NUP155: variants seen among roughly 807,000 people sequenced by gnomAD.
NUP155 encodes the protein nucleoporin 155.
Under a neutral mutation model 180.4 loss-of-function variants are expected in NUP155, and 71 were observed. The ratio of observed to expected loss-of-function variants is 0.39; its 90% CI spans 0.33 to 0.48. NUP155 has a LOEUF of 0.48. Ranked by LOEUF, NUP155 falls within the 20% of genes least tolerant of loss-of-function variation. The pLI, the probability that NUP155 is intolerant of heterozygous loss-of-function variation, is 0.91. For synonymous variants in NUP155, 582 were observed against 559.5 expected (o/e 1.04, Z -0.57); for missense variants, 1,553 against 1,648.9 (o/e 0.94, Z 1.01).
intron 16 of NUP155, 47 bp downstream of exon 16, chr5:37,329,143 A>C (rs184686845): frequency 3.5e-6 from 5 of 1,417,610 alleles, no homozygotes; most frequent in Non-Finnish European, 5.0e-6. Context: ...AAAGGTTCTA[A>C]GATTCAAACG....
intron 15 of NUP155, 114 bp from the exon 16 acceptor site, chr5:37,329,392 A>T: frequency 2.6e-6 from 2 of 768,012 alleles, no homozygotes; most frequent in Non-Finnish European, 4.7e-6. Flanking sequence ...AACATTAGAG[A>T]CTTCAATGTA....
chr5:37,340,191 A>C (rs1221516642), intron 11 of NUP155, among the ~76,000 whole-genome samples: 1 of 152,198 alleles, frequency 6.6e-6, no homozygotes, highest in African/African-American at 2.4e-5. Context: ...CTGTAATCCC[A>C]GCACTTTAGG....
intron 11 of NUP155, among the ~76,000 whole-genome samples, chr5:37,340,442 CAAAAA>C (rs527845158): frequency 7.8e-6 from 1 of 128,412 alleles, no homozygotes; most frequent in Non-Finnish European, 1.7e-5. Flanking sequence ...CAGACCACCT[CAAAAA>C]AAAAAAAAGA....
chr5:37,356,511 C>A (rs1191405059), intron 4 of NUP155, among the ~76,000 whole-genome samples: 1 of 149,550 alleles, frequency 6.7e-6, no homozygotes, highest in East Asian at 2.1e-4. Context: ...TGGTGACATG[C>A]GTTTATAATC....
chr5:37,347,832 C>T (rs111750903), intron 9 of NUP155, among the ~76,000 whole-genome samples: 3,861 of 151,886 alleles, frequency 0.025, 154 homozygotes, highest in African/African-American at 0.088. Context: ...GAAACCCAAT[C>T]TCTACTAAAA....
intron 33 of NUP155, 136 bp from the exon 34 acceptor site, chr5:37,293,121 T>C: frequency 1.5e-6 from 1 of 648,268 alleles, no homozygotes; most frequent in South Asian, 1.8e-5. Context: ...ACATGGCTAC[T>C]AAATTATATA....
At chr5:37,355,547 G>GTGTATATATA (rs977072922) in intron 4 of NUP155, among the ~76,000 whole-genome samples, 4 of 147,392 alleles carry the variant, frequency 2.7e-5, no homozygotes, top group African/African-American at 1.0e-4. Flanking sequence ...GTGTGTGTGT[G>GTGTATATATA]TATATATATA....
rs111940525 is a variant in NUP155 at position 37,304,518 on chromosome 5, G to T, written c.3162+221C>A. On this transcript the variant is annotated intron_variant, in intron 27 of 34. Transcript: ENST00000231498. The stretch of plus-strand genomic sequence containing the variant: ...TTCATAATCCAGTGATTTCTACCCC[G>T]CAATACAAACTATCCCAATCAGCTT... 7.2e-5 allele frequency among the ~76,000 whole-genome samples: 11 copies of T among 152,160 alleles called. No homozygotes were observed. The East Asian group carries it at 1.7e-3, about 24-fold the overall frequency.
chr5:37,323,348 G>C (rs932205571), intron 20 of NUP155, among the ~76,000 whole-genome samples: 11 of 152,072 alleles, frequency 7.2e-5, no homozygotes, highest in Non-Finnish European at 4.4e-5. Context: ...TAGCCAAAAA[G>C]CTGAAACAAC....
intron 9 of NUP155, among the ~76,000 whole-genome samples, chr5:37,347,740 G>A (rs753887541): frequency 6.7e-6 from 1 of 149,852 alleles, no homozygotes. Context: ...GGTGGCTCAC[G>A]CCTATAATCT....
chr5:37,288,909 C>CA lies in NUP155; in HGVS notation c.*2990dup, dbSNP rs57989646. On this transcript the variant is annotated 3_prime_UTR_variant, in exon 35 of 35. Transcript: ENST00000231498. ...TGAAACCCCATCTCTACTAAAAATA[C>CA]AAAAAAAAAAAATTAGCCAGGCATG... The CA allele has an allele frequency of 0.1, 14,705 of 143,986 alleles. 2,348 individuals carry two copies. Among genetic ancestry groups the CA allele is most frequent in the African/African-American group, 0.34 (13,609 of 39,642 alleles). 8.9% of individuals were successfully genotyped at this position (143,986 alleles called of 1,614,324 possible).
chr5:37,356,699 CCTT>C (rs895285213), intron 4 of NUP155, among the ~76,000 whole-genome samples: 119 of 152,032 alleles, frequency 7.8e-4, no homozygotes, highest in African/African-American at 2.8e-3. Context: ...AATCAATTCT[CCTT>C]CTCAGTAACC....
intron 22 of NUP155, among the ~76,000 whole-genome samples, chr5:37,312,463 AAAG>A (rs1367551374): frequency 6.6e-6 from 1 of 152,220 alleles, no homozygotes; most frequent in East Asian, 1.9e-4. Context: ...AGGAAAAGAA[AAAG>A]AAGGAAAGAC....
At chr5:37,307,136 T>C (rs1187372928) in intron 25 of NUP155, among the ~76,000 whole-genome samples, 161 bp downstream of exon 25, 1 of 148,420 alleles carries the variant, frequency 6.7e-6, no homozygotes, top group Admixed American at 6.7e-5. Context: ...AGGCAGAGAT[T>C]GCAGTGAGCC....
intron 11 of NUP155, among the ~76,000 whole-genome samples, chr5:37,338,410 CTTT>C (rs1260084138): frequency 3.6e-5 from 5 of 138,638 alleles, no homozygotes; most frequent in Non-Finnish European, 3.1e-5. Context: ...CAACATCAAT[CTTT>C]TTTTTTTTTT....
chr5:37,298,375 T>C (rs1416405551), intron 32 of NUP155, among the ~76,000 whole-genome samples: 1 of 152,194 alleles, frequency 6.6e-6, no homozygotes, highest in African/African-American at 2.4e-5. Context: ...AAAACACTTG[T>C]AGGTTGGCAA....
At chr5:37,328,876 A>C (rs1489297289) in intron 16 of NUP155, among the ~76,000 whole-genome samples, 5 of 152,234 alleles carry the variant, frequency 3.3e-5, no homozygotes, top group Non-Finnish European at 7.3e-5. Context: ...CTGATCTCCT[A>C]GTAAGTTTCT....
At position 37,307,292 on chromosome 5, in the gene NUP155, T is replaced by C. The variant is rs1743218483; in HGVS notation, c.2903+5A>G. ...ATGACAATCTGCTAACGTAATGGAA[T>C]GCACCTTTCTTGGAAGGCCTGAAGT... On this transcript the variant is annotated splice_donor_5th_base_variant and intron_variant, in intron 25 of 34. Transcript: ENST00000231498. 6.2e-7 allele frequency: 1 copy of C among 1,613,634 alleles called. No individual in the cohort carries two copies.
At chr5:37,366,566 G>T (rs1458458280) in intron 1 of NUP155, among the ~76,000 whole-genome samples, 1 of 152,098 alleles carries the variant, frequency 6.6e-6, no homozygotes, top group Non-Finnish European at 1.5e-5. Flanking sequence ...AGACTCCCGG[G>T]TAGCTGGGAT....
Sources: gnomAD v4.1 joint callset for allele counts (sites outside exome capture counted in the v4.1 genomes callset) on GRCh38, gnomAD v4.1.1 for gene constraint, MANE v1.5 for transcripts, NCBI Gene and HGNC (gene_info 2026-07-23, HGNC 2026-07-21) for gene names.